KCTD8: variants seen among roughly 807,000 people sequenced by gnomAD.
KCTD8 encodes the protein potassium channel tetramerization domain containing 8.
Under a neutral mutation model 31.5 loss-of-function variants are expected in KCTD8, and 27 were observed. The observed-to-expected ratio is 0.86, with a 90% CI of 0.63 to 1.18. KCTD8 has a LOEUF of 1.18. Among genes scored for constraint, KCTD8 ranks in the 50% most tolerant of loss-of-function variants. The probability of loss-of-function intolerance (pLI) is 0.00; values close to 1 mark genes in which losing one functional copy is unlikely to be tolerated. For missense variants in KCTD8, 658 were observed against 647.7 expected, an observed-to-expected ratio of 1.02 and a Z score of -0.17; for synonymous variants, 290 against 280.0, an observed-to-expected ratio of 1.04 and a Z score of -0.36.
rs1203398425 is a variant in KCTD8, at chr4:44,216,482, C to A, written c.962-41232G>T. Reference sequence around the variant, plus strand: ...TACCCTAACCTGATAAGATAGAAGGCACTGTTATCATAATTAATGAAGATA... The same window carrying A: ...TACCCTAACCTGATAAGATAGAAGGAACTGTTATCATAATTAATGAAGATA... On this transcript the variant is annotated intron_variant, in intron 1 of 1. Transcript: ENST00000360029. Among the ~76,000 whole-genome samples, 3 of 152,128 alleles carry A rather than the reference C, an allele frequency of 2.0e-5. No individual in the cohort carries two copies. In the East Asian group the frequency reaches 5.8e-4, roughly 29 times the overall value.
chr4:44,399,477 G>GA (rs750994750), intron 1 of KCTD8, among the ~76,000 whole-genome samples: 7 of 152,180 alleles, frequency 4.6e-5, no homozygotes, highest in Non-Finnish European at 1.0e-4. Flanking sequence ...CCCAGAGGCG[G>GA]AAAAGGGTGA....
chr4:44,345,629 G>A (rs62304853), intron 1 of KCTD8, among the ~76,000 whole-genome samples: 4 of 152,018 alleles, frequency 2.6e-5, no homozygotes, highest in African/African-American at 7.2e-5. Flanking sequence ...AAATCAAAAA[G>A]TTTATACATG....
chr4:44,299,893 A>G (rs1160428805), intron 1 of KCTD8, among the ~76,000 whole-genome samples: 3 of 150,648 alleles, frequency 2.0e-5, no homozygotes, highest in Non-Finnish European at 4.4e-5. Context: ...CTGGGACTAC[A>G]GGCACCCGCC....
intron 1 of KCTD8, among the ~76,000 whole-genome samples, chr4:44,375,749 C>T (rs746417865): frequency 5.9e-5 from 9 of 152,144 alleles, no homozygotes; most frequent in South Asian, 2.1e-4. Flanking sequence ...GCAGAACAGA[C>T]GGTGAGCCTC....
intron 1 of KCTD8, among the ~76,000 whole-genome samples, chr4:44,185,521 T>A (rs62304799): frequency 0.01 from 1,531 of 152,336 alleles, 12 homozygotes; most frequent in Middle Eastern, 0.017. Flanking sequence ...CTATCTTCAG[T>A]GTAACACAAA....
chr4:44,360,102 A>C (rs576837849), intron 1 of KCTD8, among the ~76,000 whole-genome samples: 279 of 152,168 alleles, frequency 1.8e-3, no homozygotes, highest in Middle Eastern at 3.4e-3. Context: ...AGTTAGCGGC[A>C]ATACAAAACT....
intron 1 of KCTD8, among the ~76,000 whole-genome samples, chr4:44,378,221 T>A (rs200055779): frequency 7.5e-5 from 10 of 133,288 alleles, no homozygotes; most frequent in Admixed American, 3.1e-4. Flanking sequence ...TATGTATATT[T>A]TATATATATA....
chr4:44,301,676 A>G (rs188266843), intron 1 of KCTD8, among the ~76,000 whole-genome samples: 3 of 152,072 alleles, frequency 2.0e-5, no homozygotes, highest in Middle Eastern at 6.8e-3. Flanking sequence ...TTGCCTGTTC[A>G]CTCTAATGGT....
intron 1 of KCTD8, among the ~76,000 whole-genome samples, chr4:44,274,368 T>G (rs927650090): frequency 6.6e-6 from 1 of 151,892 alleles, no homozygotes; most frequent in Non-Finnish European, 1.5e-5. Context: ...TAATTGCAGT[T>G]TTTGCCATTA....
At chr4:44,399,531 A>G (rs1490394912) in intron 1 of KCTD8, among the ~76,000 whole-genome samples, 2 of 152,202 alleles carry the variant, frequency 1.3e-5, no homozygotes, top group Non-Finnish European at 2.9e-5. Flanking sequence ...TAAAGATTCA[A>G]GGAAAGAAGA....
At chr4:44,425,015 G>A (rs1577666754) in intron 1 of KCTD8, among the ~76,000 whole-genome samples, 1 of 151,900 alleles carries the variant, frequency 6.6e-6, no homozygotes, top group African/African-American at 2.4e-5. Flanking sequence ...TGTATAAGAA[G>A]AGATTGGGAC....
chr4:44,279,690 G>C (rs1716846798), intron 1 of KCTD8, among the ~76,000 whole-genome samples: 1 of 152,084 alleles, frequency 6.6e-6, no homozygotes, highest in South Asian at 2.1e-4. Context: ...AAGGATTAGT[G>C]TGAGGATCAA....
At chr4:44,202,586 A>G (rs1237255867) in intron 1 of KCTD8, among the ~76,000 whole-genome samples, 4 of 152,138 alleles carry the variant, frequency 2.6e-5, no homozygotes, top group Non-Finnish European at 4.4e-5. Context: ...TTGAATACAT[A>G]TGGAAAAAAG....
chr4:44,448,262 C>T lies in KCTD8; in HGVS notation c.262G>A (p.Glu88Lys). ...SPRGGARRRG[E>K]LPRDSRARFF... ...CGCGCCCGGCTGTCCCTGGGCAGCT[C>T]GCCCCGGCGCCGGGCGCCGCCACGG... Residue 88 changes from glutamate to lysine, a missense_variant, in exon 1 of 2, where the codon GAG becomes AAG. Physicochemically the swap from Glu to Lys is moderately conservative, Grantham distance 56 (BLOSUM62 1). Coordinates refer to ENST00000360029, the MANE Select transcript of KCTD8 (RefSeq NM_198353.3). The surrounding 1 kb of genome is among the most constrained non-coding windows in gnomAD (Gnocchi z 4.1). 7.5e-6 allele frequency: 12 copies of T among 1,605,242 alleles called. No homozygotes were observed. Among genetic ancestry groups the T allele is most frequent in the Non-Finnish European group, 1.0e-5 (12 of 1,176,680 alleles).
At chr4:44,348,746 A>T (rs1444963732) in intron 1 of KCTD8, among the ~76,000 whole-genome samples, 1 of 152,116 alleles carries the variant, frequency 6.6e-6, no homozygotes, top group Non-Finnish European at 1.5e-5. Context: ...ATTCACATTT[A>T]AGAACAAAAA....
intron 1 of KCTD8, among the ~76,000 whole-genome samples, chr4:44,325,825 G>T (rs548904736): frequency 2.0e-5 from 3 of 151,818 alleles, no homozygotes; most frequent in African/African-American, 7.3e-5. Context: ...TAATTCACAG[G>T]GGATATAATC....
At chr4:44,184,450 GA>G (rs1472044581) in intron 1 of KCTD8, among the ~76,000 whole-genome samples, 1 of 151,990 alleles carries the variant, frequency 6.6e-6, no homozygotes, top group Non-Finnish European at 1.5e-5. Flanking sequence ...GAAAAGAAAA[GA>G]AAAAGAAGAG....
At position 44,448,221 on chromosome 4, in the gene KCTD8, C is replaced by G. The variant is rs778840116; in HGVS notation, c.303G>C (p.Arg101=). 3 of 1,612,056 alleles carry G rather than the reference C, an allele frequency of 1.9e-6. No homozygotes were observed. In the Admixed American group the frequency reaches 5.0e-5, roughly 27 times the overall value. ...GCACGTACCTGAAAAGGAAGCCGTC[C>G]CGGTCGATGAAGAAGCGCGCCCGGC... ...RDSRARFFID[R]DGFLFRYVLD... The change falls in exon 1 of 2, where the codon CGG becomes CGC. Residue 101 remains arginine (R), a synonymous_variant. Transcript: ENST00000360029. This position sits in a 1 kb window ranked among gnomAD's most constrained non-coding sequence, Gnocchi z 4.1.
chr4:44,208,432 T>C (rs1275045673), intron 1 of KCTD8, among the ~76,000 whole-genome samples: 1 of 152,166 alleles, frequency 6.6e-6, no homozygotes, highest in East Asian at 1.9e-4. Flanking sequence ...AGTAGCCTTT[T>C]AATCTTCACC....
Sources: gnomAD v4.1 joint callset for allele counts (sites outside exome capture counted in the v4.1 genomes callset) on GRCh38, gnomAD v4.1.1 for gene constraint, Gnocchi (gnomAD v3.1) non-coding constraint, MANE v1.5 for transcripts, NCBI Gene and HGNC (gene_info 2026-07-23, HGNC 2026-07-21) for gene names.